Variants in REL observed in about 807,000 individuals in gnomAD.
The protein encoded by REL is proto-oncogene c-Rel.
In REL, 15 loss-of-function variants were observed where a neutral mutation model predicts 45.9. The observed-to-expected ratio is 0.33, with a 90% CI of 0.22 to 0.50. The LOEUF (loss-of-function observed/expected upper bound fraction) is 0.50, where lower values mean the gene tolerates loss of function less well. Among genes scored for constraint, REL ranks in the 20% least tolerant of loss-of-function variants. The probability of loss-of-function intolerance (pLI) is 0.98; values close to 1 mark genes in which losing one functional copy is unlikely to be tolerated. For missense variants in REL, 601 were observed against 715.2 expected (o/e 0.84, Z 1.82); for synonymous variants, 239 against 242.1 (o/e 0.99, Z 0.12).
chr2:60,917,554 G>T (rs1220802384), intron 5 of REL, among the ~76,000 whole-genome samples: 1 of 132,300 alleles, frequency 7.6e-6, no homozygotes. Context: ...TTTGGAGACA[G>T]GGTCTCACTC....
At chr2:60,912,095 T>C (rs962418249) in intron 4 of REL, among the ~76,000 whole-genome samples, 2 of 147,040 alleles carry the variant, frequency 1.4e-5, no homozygotes, top group Middle Eastern at 7.2e-3. Flanking sequence ...AGGAACAGAA[T>C]ATAGAAAAAG....
chr2:60,901,255 A>G (rs1261386374), intron 4 of REL, among the ~76,000 whole-genome samples, 172 bp downstream of exon 4: 1 of 148,272 alleles, frequency 6.7e-6, no homozygotes, highest in Non-Finnish European at 1.5e-5. Context: ...TCCCAGGTTC[A>G]AGCAATTCTC....
At chr2:60,885,198 A>G (rs185910460) in intron 1 of REL, among the ~76,000 whole-genome samples, 1 of 152,298 alleles carries the variant, frequency 6.6e-6, no homozygotes, top group African/African-American at 2.4e-5. Flanking sequence ...TTTTGTTCCA[A>G]CTTTCTCTCA....
intron 2 of REL, among the ~76,000 whole-genome samples, chr2:60,892,603 A>AT (rs530866173): frequency 1.3e-5 from 2 of 148,884 alleles, no homozygotes; most frequent in Non-Finnish European, 3.0e-5. Flanking sequence ...TGATTTTTGT[A>AT]TTTTTTAGTA....
intron 2 of REL, among the ~76,000 whole-genome samples, chr2:60,892,085 C>G (rs574275626): frequency 7.2e-5 from 11 of 152,132 alleles, no homozygotes; most frequent in African/African-American, 2.7e-4. Flanking sequence ...TAGAGCGACT[C>G]AATGTTGAGA....
intron 5 of REL, among the ~76,000 whole-genome samples, chr2:60,917,513 T>G (rs2103979301): frequency 6.7e-6 from 1 of 149,162 alleles, no homozygotes; most frequent in South Asian, 2.1e-4. Context: ...CATATTCTTG[T>G]ATATTTTTTT....
At chr2:60,887,761 G>A (rs1047022996) in intron 1 of REL, among the ~76,000 whole-genome samples, 1 of 150,626 alleles carries the variant, frequency 6.6e-6, no homozygotes, top group Admixed American at 6.6e-5. Context: ...AAATTCCAAG[G>A]ACTTTAAATA....
At chr2:60,915,056 C>A (rs1211884151) in intron 4 of REL, among the ~76,000 whole-genome samples, 1 of 151,984 alleles carries the variant, frequency 6.6e-6, no homozygotes, top group East Asian at 1.9e-4. Context: ...TGGTCTCGAT[C>A]TCCCAACCTC....
chr2:60,921,926 C>G lies in REL; in HGVS notation c.1155C>G (p.His385Gln), dbSNP rs1243946990. 2 of 1,614,078 alleles carry G rather than the reference C, an allele frequency of 1.2e-6. No homozygotes were observed. The highest frequency in any genetic ancestry group is 1.7e-5 in the Admixed American group (1 of 60,010). ...LPSSSWSSVA[H>Q]PTPRSGNTNP... Reference sequence around the variant, plus strand: ...CTTCAAGCTGGTCATCAGTGGCCCACCCCACCCCACGCTCAGGCAATACAA... The same window carrying G: ...CTTCAAGCTGGTCATCAGTGGCCCAGCCCACCCCACGCTCAGGCAATACAA... Residue 385 changes from histidine to glutamine, a missense_variant, in exon 10 of 10, where the codon CAC (histidine) becomes CAG (glutamine). Around this residue, in one of 4 missense-constraint regions of REL, gnomAD observed 334 missense variants for 333.1 expected, o/e 1.00. Transcript: ENST00000394479.
Position 60,891,825 on chromosome 2 carries a change from G to C in REL, c.153G>C (p.Gln51His). ...TDNNRTYPSI[Q>H]IMNYYGKGKV... ...ACAACCGAACATACCCTTCTATCCA[G>C]GTAATAGACCCTTCTTCTGTGTCTA... The change falls in exon 2 of 10, where the codon CAG (glutamine) becomes CAC (histidine). Residue 51 changes from glutamine to histidine, a missense_variant and splice_region_variant. Transcript: ENST00000394479. The C allele has an allele frequency of 6.2e-7, 1 of 1,610,256 alleles. No homozygotes were observed. Among genetic ancestry groups the C allele is most frequent in the Non-Finnish European group, 8.5e-7 (1 of 1,178,152 alleles).
chr2:60,920,994 A>C (rs897024734), intron 9 of REL, among the ~76,000 whole-genome samples: 6 of 152,016 alleles, frequency 3.9e-5, no homozygotes, highest in African/African-American at 1.2e-4. Context: ...ATTATCTCTA[A>C]ACTGCTTTTT....
At chr2:60,902,823 C>T (rs1049062022) in intron 4 of REL, among the ~76,000 whole-genome samples, 6 of 152,064 alleles carry the variant, frequency 3.9e-5, no homozygotes, top group African/African-American at 1.4e-4. Flanking sequence ...CTCCTGAGCT[C>T]AGCAATCCAC....
chr2:60,904,665 G>A (rs942111395), intron 4 of REL, among the ~76,000 whole-genome samples: 10 of 151,920 alleles, frequency 6.6e-5, no homozygotes, highest in Admixed American at 2.0e-4. Flanking sequence ...AGGTGGAGAG[G>A]ATTGCTTGAG....
intron 7 of REL, among the ~76,000 whole-genome samples, chr2:60,919,244 GT>G (rs895955846): frequency 6.6e-6 from 1 of 151,438 alleles, no homozygotes; most frequent in African/African-American, 2.4e-5. Flanking sequence ...CTTGTTTTGG[GT>G]TTTTTTTGAG....
At chr2:60,891,932 A>G in intron 2 of REL, 107 bp downstream of exon 2, 1 of 1,140,734 alleles carries the variant, frequency 8.8e-7, no homozygotes, top group Non-Finnish European at 1.2e-6. Flanking sequence ...CCACAGGTTT[A>G]TCTTTTTCTT....
At chr2:60,916,328 C>G (rs1244286251) in intron 4 of REL, among the ~76,000 whole-genome samples, 1 of 152,170 alleles carries the variant, frequency 6.6e-6, no homozygotes, top group Admixed American at 6.5e-5. Flanking sequence ...ATGGGAAGAT[C>G]ACTTGAGCCT....
chr2:60,881,595 C>T lies in REL; in HGVS notation c.-246C>T, dbSNP rs1672936070. On this transcript the variant is annotated 5_prime_UTR_variant, in exon 1 of 10. Transcript: ENST00000394479. ...CAGCACTCGGCTCTCCCCGCTCCGC[C>T]CCCTGCCCCTGGCTCCCGTACGGTG... 4.0e-6 allele frequency: 2 copies of T among 500,928 alleles called. No individual in the cohort carries two copies. Among genetic ancestry groups the T allele is most frequent in the Admixed American group, 3.9e-5 (1 of 25,736 alleles). The allele number at this position is 500,928 out of a possible 1,614,324, so 31.0% of individuals were successfully genotyped here.
At chr2:60,885,566 G>T (rs1673052171) in intron 1 of REL, among the ~76,000 whole-genome samples, 1 of 152,160 alleles carries the variant, frequency 6.6e-6, no homozygotes. Context: ...AGGCCCAGTT[G>T]AAAGTCAGCC....
At chr2:60,899,186 A>G (rs1340865441) in intron 3 of REL, 1 of 152,250 alleles carries the variant, frequency 6.6e-6, no homozygotes, top group Non-Finnish European at 1.5e-5. Context: ...GAAAGGATTA[A>G]GAATTCAAGA....
Sources: gnomAD v4.1 joint callset for allele counts (sites outside exome capture counted in the v4.1 genomes callset) on GRCh38, gnomAD v4.1.1 for gene constraint, gnomAD v4.1.1 regional missense constraint, MANE v1.5 for transcripts, NCBI Gene and HGNC (gene_info 2026-07-23, HGNC 2026-07-21) for gene names.